The following CIDEA variants were observed in gnomAD, a reference collection of about 807,000 sequenced individuals.
CIDEA encodes the protein cell death inducing DFFA like effector a.
A neutral mutation model predicts 18.2 loss-of-function variants in CIDEA; 10 were observed. That is an observed-to-expected ratio of 0.55 (90% confidence interval 0.34 to 0.93). The LOEUF (loss-of-function observed/expected upper bound fraction) is 0.93, where lower values mean the gene tolerates loss of function less well. Among genes scored for constraint, CIDEA ranks in the 40% least tolerant of loss-of-function variants. The probability of loss-of-function intolerance (pLI) is 0.02; values close to 1 mark genes in which losing one functional copy is unlikely to be tolerated. For synonymous variants in CIDEA, 128 were observed against 124.8 expected (o/e 1.03, Z -0.17); for missense variants, 309 against 293.1 (o/e 1.05, Z -0.40).
chr18:12,267,903 T>A (rs1912395992), intron 3 of CIDEA, among the ~76,000 whole-genome samples: 1 of 152,048 alleles, frequency 6.6e-6, no homozygotes, highest in South Asian at 2.1e-4. Context: ...GGCTGTTGCA[T>A]CTAGTGTGTA....
At chr18:12,259,407 C>CA (rs1398138805) in intron 1 of CIDEA, among the ~76,000 whole-genome samples, 5 of 152,064 alleles carry the variant, frequency 3.3e-5, no homozygotes, top group Non-Finnish European at 7.4e-5. Flanking sequence ...CTCCCACAAC[C>CA]AAAAAAAGTC....
intron 1 of CIDEA, among the ~76,000 whole-genome samples, chr18:12,262,230 A>G (rs1912213819): frequency 6.7e-6 from 1 of 149,672 alleles, no homozygotes; most frequent in African/African-American, 2.6e-5. Flanking sequence ...CTTAATCCAA[A>G]GTGTCCTGTG....
intron 1 of CIDEA, chr18:12,255,079 C>T (rs1911991767): frequency 2.2e-6 from 1 of 463,068 alleles, no homozygotes; most frequent in Admixed American, 3.9e-5. Flanking sequence ...GCTTCGCACC[C>T]GCTCGTGGTC....
At position 12,263,256 on chromosome 18, in the gene CIDEA, T is replaced by A. The variant is rs569496670; in HGVS notation, c.183+287T>A. The stretch of plus-strand genomic sequence containing the variant: ...AACCTCCCAAGTGCATGCCAGTTTC[T>A]TTCTTGGGTGATGAAAGTGCTGTAA... On this transcript the variant is annotated intron_variant, in intron 2 of 4. Coordinates refer to ENST00000320477, the MANE Select transcript of CIDEA (RefSeq NM_001279.4). 5.9e-5 allele frequency among the ~76,000 whole-genome samples: 9 copies of A among 152,326 alleles called. No homozygotes were observed. In the East Asian group the frequency reaches 1.7e-3, roughly 29 times the overall value.
rs192212145 is a variant in CIDEA at position 12,261,101 on chromosome 18, G to A, written c.39-1724G>A. Among the ~76,000 whole-genome samples the A allele has an allele frequency of 2.2e-3, 341 of 152,268 alleles. 4 individuals are homozygous for A. The highest frequency in any genetic ancestry group is 9.7e-3 in the South Asian group (47 of 4,822). ...ATCTATTTCTGAATGTAAAAAAGTC[G>A]GCCAAGAGTGCTGGCTCACGCCTGA... On this transcript the variant is annotated intron_variant, in intron 1 of 4. Coordinates refer to ENST00000320477, the MANE Select transcript of CIDEA (RefSeq NM_001279.4).
chr18:12,254,843 T>A, intron 1 of CIDEA: 1 of 1,335,156 alleles, frequency 7.5e-7, no homozygotes, highest in Non-Finnish European at 9.9e-7. Flanking sequence ...CTTCTGGGGG[T>A]CCTGGAAATC....
At chr18:12,259,146 G>A (rs1018750111) in intron 1 of CIDEA, among the ~76,000 whole-genome samples, 4 of 152,180 alleles carry the variant, frequency 2.6e-5, no homozygotes, top group African/African-American at 4.8e-5. Flanking sequence ...TGGCTAGGTG[G>A]GTCCCTGGCA....
chr18:12,254,651 C>T (rs1257452706), intron 1 of CIDEA: 3 of 1,528,580 alleles, frequency 2.0e-6, no homozygotes, highest in Non-Finnish European at 8.8e-7. Context: ...CGCCTCCTCA[C>T]CCTCTTGCAG....
intron 3 of CIDEA, among the ~76,000 whole-genome samples, chr18:12,272,851 C>T (rs1006143946): frequency 2.6e-5 from 4 of 152,036 alleles, no homozygotes; most frequent in African/African-American, 9.7e-5. Context: ...CTGCCCTGTT[C>T]AAGGGGTGCT....
chr18:12,276,056 C>T (rs992755223), intron 4 of CIDEA, among the ~76,000 whole-genome samples: 4 of 145,728 alleles, frequency 2.7e-5, no homozygotes, highest in South Asian at 2.2e-4. Flanking sequence ...GGCAGGGGCA[C>T]GATCTCAGCT....
chr18:12,271,641 AG>A (rs1228494506), intron 3 of CIDEA, among the ~76,000 whole-genome samples: 4 of 152,166 alleles, frequency 2.6e-5, no homozygotes, highest in African/African-American at 9.7e-5. Flanking sequence ...ACCTGGTTGC[AG>A]GGCAGGGTGG....
In CIDEA at chr18:12,259,396, G is replaced by C. The variant is rs1016894741; in HGVS notation, c.39-3429G>C. 4.9e-4 allele frequency among the ~76,000 whole-genome samples: 75 copies of C among 152,210 alleles called. 2 individuals carry two copies. Among genetic ancestry groups the C allele is most frequent in the South Asian group, 4.1e-4 (2 of 4,832 alleles). Reference sequence around the variant, plus strand: ...CAGAGGATGGATAACAAAACAACCTGCTCCCACAACCAAAAAAAGTCTTGG... The same window carrying C: ...CAGAGGATGGATAACAAAACAACCTCCTCCCACAACCAAAAAAAGTCTTGG... On this transcript the variant is annotated intron_variant, in intron 1 of 4. Transcript: ENST00000320477.
At chr18:12,269,597 T>TCA (rs1411868945) in intron 3 of CIDEA, among the ~76,000 whole-genome samples, 1 of 152,226 alleles carries the variant, frequency 6.6e-6, no homozygotes. Context: ...AAAAACTGAT[T>TCA]CACTGAGTTA....
At chr18:12,260,686 G>A (rs1346054062) in intron 1 of CIDEA, among the ~76,000 whole-genome samples, 2 of 152,206 alleles carry the variant, frequency 1.3e-5, no homozygotes, top group Non-Finnish European at 2.9e-5. Flanking sequence ...GTGTCATAAA[G>A]TGCCAAATCG....
intron 3 of CIDEA, among the ~76,000 whole-genome samples, chr18:12,273,014 C>T (rs943059909): frequency 4.0e-5 from 6 of 150,810 alleles, no homozygotes; most frequent in East Asian, 2.0e-4. Flanking sequence ...TAAAGTGTCA[C>T]AGGAGGGAGA....
intron 1 of CIDEA, among the ~76,000 whole-genome samples, chr18:12,259,172 T>C (rs1170933841): frequency 6.6e-6 from 1 of 152,184 alleles, no homozygotes; most frequent in African/African-American, 2.4e-5. Flanking sequence ...GTGCGGGTCA[T>C]TCTGACAGGT....
At chr18:12,267,036 G>A (rs1912370366) in intron 3 of CIDEA, among the ~76,000 whole-genome samples, 1 of 152,166 alleles carries the variant, frequency 6.6e-6, no homozygotes, top group African/African-American at 2.4e-5. Context: ...TGGGATTACA[G>A]GTGTGAGCCA....
chr18:12,276,794 C>T (rs1905350204), intron 4 of CIDEA, among the ~76,000 whole-genome samples: 1 of 152,226 alleles, frequency 6.6e-6, no homozygotes, highest in Admixed American at 6.5e-5. Flanking sequence ...CCATCTGCTC[C>T]ACACAGAGCT....
chr18:12,265,951 CTAAA>C (rs1912336405), intron 3 of CIDEA, among the ~76,000 whole-genome samples: 1 of 151,962 alleles, frequency 6.6e-6, no homozygotes, highest in Non-Finnish European at 1.5e-5. Context: ...GTTTGACTGA[CTAAA>C]TAAATAAATT....
Sources: allele counts gnomAD v4.1 joint callset (sites outside exome capture counted in the v4.1 genomes callset), GRCh38; gene constraint gnomAD v4.1.1; transcripts MANE v1.5; gene names NCBI Gene and HGNC (gene_info 2026-07-23, HGNC 2026-07-21).